The following BAIAP2 variants were observed in gnomAD, a reference collection of about 807,000 sequenced individuals.
BAIAP2 encodes the protein BAR/IMD domain containing adaptor protein 2, also known as BAR/IMD domain-containing adapter protein 2.
BAIAP2 carries 18 observed loss-of-function variants against 63.0 expected under a neutral mutation model. The observed-to-expected ratio is 0.29, with a 90% CI of 0.20 to 0.42. The LOEUF is 0.42. Among genes scored for constraint, BAIAP2 ranks in the 10% least tolerant of loss-of-function variants. BAIAP2 has a pLI of 1.00. For missense variants in BAIAP2, 610 were observed against 734.3 expected, an observed-to-expected ratio of 0.83 and a Z score of 1.96; for synonymous variants, 386 against 307.6, an observed-to-expected ratio of 1.25 and a Z score of -2.67.
Position 81,086,465 on chromosome 17 carries a change from C to T in BAIAP2, c.374C>T (p.Thr125Ile), listed in dbSNP as rs1436993263. ...CAGGCTGCGCTGAAGAAATACCAGA[C>T]TGAGCAAAGGAGCAAAGGCGACGCC... ...YLSAALKKYQ[T>I]EQRSKGDALD... The change falls in exon 6 of 14, where the codon ACT becomes ATT. Residue 125 changes from threonine (T) to isoleucine (I), a missense_variant. This residue lies in a region of BAIAP2 where 389 missense variants were observed against 455.6 expected (regional missense o/e 0.85). Transcript: ENST00000428708. 9 of 1,613,896 alleles carry T rather than the reference C, an allele frequency of 5.6e-6. No individual in the cohort carries two copies. Among genetic ancestry groups the T allele is most frequent in the Non-Finnish European group, 7.6e-6 (9 of 1,179,994 alleles).
intron 13 of BAIAP2, among the ~76,000 whole-genome samples, chr17:81,114,928 GCA>G (rs2060345825): frequency 6.6e-6 from 1 of 152,218 alleles, no homozygotes; most frequent in East Asian, 1.9e-4. Flanking sequence ...CTTTGCCAGA[GCA>G]CAGTCCCGTC....
intron 2 of BAIAP2, among the ~76,000 whole-genome samples, chr17:81,057,161 G>A (rs1237317850): frequency 2.0e-5 from 3 of 152,210 alleles, no homozygotes; most frequent in South Asian, 4.1e-4. Context: ...TCTGCGGCCT[G>A]GAGGTCAGGG....
chr17:81,035,611 C>A lies in BAIAP2; in HGVS notation c.54+303C>A, dbSNP rs2046123539. Among the ~76,000 whole-genome samples, 3 of 150,794 alleles carry A rather than the reference C, an allele frequency of 2.0e-5. No homozygotes were observed. The South Asian group carries it at 6.2e-4, about 31-fold the overall frequency. Reference sequence around the variant, plus strand: ...CCCGCTCCGACGGCCCTGCTCGGCCCCCGCGCGCTCGCCTTGGCGTCGGCG... The same window carrying A: ...CCCGCTCCGACGGCCCTGCTCGGCCACCGCGCGCTCGCCTTGGCGTCGGCG... On this transcript the variant is annotated intron_variant, in intron 1 of 13. Transcript: ENST00000428708.
intron 3 of BAIAP2, among the ~76,000 whole-genome samples, chr17:81,073,987 TGA>T (rs1309947232): frequency 1.3e-5 from 2 of 152,186 alleles, no homozygotes; most frequent in Non-Finnish European, 2.9e-5. Flanking sequence ...TTTCCTAAAA[TGA>T]GAGAGACTAA....
At chr17:81,045,017 CCT>C (rs2047611880) in intron 1 of BAIAP2, among the ~76,000 whole-genome samples, 1 of 152,228 alleles carries the variant, frequency 6.6e-6, no homozygotes, top group Non-Finnish European at 1.5e-5. Flanking sequence ...GCAGGATGTG[CCT>C]CTCGGACAGG....
chr17:81,061,221 C>T (rs761921583), intron 3 of BAIAP2, among the ~76,000 whole-genome samples: 7 of 152,224 alleles, frequency 4.6e-5, no homozygotes, highest in Non-Finnish European at 8.8e-5. Context: ...ATAATTATCA[C>T]AGTATTTGTT....
At chr17:81,051,605 C>T (rs557821709) in intron 1 of BAIAP2, among the ~76,000 whole-genome samples, 88 of 152,210 alleles carry the variant, frequency 5.8e-4, no homozygotes, top group Non-Finnish European at 1.1e-3. Context: ...CCACGTTGGC[C>T]AGGATGGTCT....
rs1292633605 is a variant in BAIAP2, at chr17:81,087,265, C to G, written c.489+685C>G. On this transcript the variant is annotated intron_variant, in intron 6 of 13. Coordinates refer to ENST00000428708, the MANE Select transcript of BAIAP2 (RefSeq NM_001144888.2). ...CACCCAGGTAGAAGCTTCTGGGCTG[C>G]ACCCTGGGGTGGGCAAGGTGTGGCT... Among the ~76,000 whole-genome samples the G allele has an allele frequency of 2.0e-5, 3 of 152,252 alleles. No homozygotes were observed. The East Asian group carries it at 5.8e-4, about 29-fold the overall frequency.
intron 1 of BAIAP2, among the ~76,000 whole-genome samples, chr17:81,039,153 G>A (rs944596312): frequency 4.6e-5 from 7 of 152,218 alleles, no homozygotes; most frequent in East Asian, 1.9e-4. Context: ...CCTCGCCACC[G>A]CCAGCCTTTA....
intron 1 of BAIAP2, among the ~76,000 whole-genome samples, chr17:81,047,279 A>T (rs1273279736): frequency 6.6e-6 from 1 of 152,100 alleles, no homozygotes; most frequent in Non-Finnish European, 1.5e-5. Flanking sequence ...AAGAGCTGAC[A>T]GGCTGGCCCC....
At chr17:81,092,102 C>T (rs568863828) in intron 6 of BAIAP2, among the ~76,000 whole-genome samples, 3 of 152,352 alleles carry the variant, frequency 2.0e-5, no homozygotes, top group East Asian at 1.9e-4. Context: ...GTTCCCTCAG[C>T]GACCCAAGAG....
intron 13 of BAIAP2, among the ~76,000 whole-genome samples, chr17:81,113,676 A>G (rs747364439): frequency 7.1e-6 from 1 of 140,850 alleles, no homozygotes; most frequent in Non-Finnish European, 1.5e-5. Flanking sequence ...CCCCAGCCCC[A>G]GGGTCCTCAG....
At chr17:81,063,872 T>C (rs1048015731) in intron 3 of BAIAP2, 4 of 152,446 alleles carry the variant, frequency 2.6e-5, no homozygotes, top group Non-Finnish European at 5.9e-5. Context: ...GTCCCTGCTC[T>C]CTGGGAATGA....
At chr17:81,076,967 G>C (rs1217770752) in intron 3 of BAIAP2, among the ~76,000 whole-genome samples, 1 of 152,092 alleles carries the variant, frequency 6.6e-6, no homozygotes, top group Non-Finnish European at 1.5e-5. Context: ...GAGACCCCTG[G>C]CTCTAAAAAG....
chr17:81,037,091 G>T (rs913113168), intron 1 of BAIAP2: 1 of 794,962 alleles, frequency 1.3e-6, no homozygotes, highest in African/African-American at 1.7e-5. Context: ...AGTGAAATCT[G>T]CTGGCAGGAA....
intron 13 of BAIAP2, chr17:81,109,959 C>T (rs1345126744): frequency 5.1e-6 from 5 of 985,434 alleles, no homozygotes; most frequent in East Asian, 1.1e-4. Context: ...CTGGGGGAAA[C>T]AGGCGGTTCC....
rs1168963439 is a variant in BAIAP2 at position 81,108,315 on chromosome 17, GTC to G, written c.1501-156_1501-155del. ...CCACTGGGACCAGGGCTCCAGGCAG[GTC>G]TCTGAGTGCTGCAGCCAGGAGATGG... On this transcript the variant is annotated intron_variant, in intron 12 of 13. Transcript: ENST00000428708. The G allele has an allele frequency of 7.0e-6, 5 of 718,610 alleles. No homozygotes were observed. In the Admixed American group the frequency reaches 1.0e-4, roughly 15 times the overall value. The allele number at this position is 718,610 out of a possible 1,614,324, so 44.5% of individuals were successfully genotyped here. A position where few individuals can be genotyped will look rare whatever the true frequency, so the allele number is the denominator to read the frequency against.
chr17:81,055,574 G>GTTTTTTTTTTTGTTTTGTTTT (rs1555657874), intron 2 of BAIAP2, among the ~76,000 whole-genome samples: 1 of 123,406 alleles, frequency 8.1e-6, no homozygotes, highest in Non-Finnish European at 1.7e-5. Flanking sequence ...AGGGTGTTTT[G>GTTTTTTTTTTTGTTTTGTTTT]TTTTTTTTTG....
chr17:81,110,687 G>A (rs1184146445), intron 13 of BAIAP2, among the ~76,000 whole-genome samples: 3 of 152,160 alleles, frequency 2.0e-5, no homozygotes, highest in African/African-American at 4.8e-5. Flanking sequence ...CGGGCTCTGC[G>A]GGGGGCCGTC....
Sources: allele counts gnomAD v4.1 joint callset (sites outside exome capture counted in the v4.1 genomes callset), GRCh38; gene constraint gnomAD v4.1.1; regional missense constraint gnomAD v4.1.1; transcripts MANE v1.5; gene names NCBI Gene and HGNC (gene_info 2026-07-23, HGNC 2026-07-21).